PRKG1: variants seen among roughly 807,000 people sequenced by gnomAD.
The protein encoded by PRKG1 is protein kinase cGMP-dependent 1.
Under a neutral mutation model 88.1 loss-of-function variants are expected in PRKG1, and 35 were observed. The ratio of observed to expected loss-of-function variants is 0.40; its 90% CI spans 0.30 to 0.53. The LOEUF (loss-of-function observed/expected upper bound fraction) is 0.53. Among genes scored for constraint, PRKG1 ranks in the 20% least tolerant of loss-of-function variants. PRKG1 has a pLI of 0.59. For synonymous variants in PRKG1, 303 were observed against 292.5 expected (o/e 1.04, Z -0.37); for missense variants, 540 against 839.8 (o/e 0.64, Z 4.41).
intron 8 of PRKG1, among the ~76,000 whole-genome samples, chr10:52,140,805 T>G (rs1053927204): frequency 4.2e-5 from 5 of 120,446 alleles, no homozygotes; most frequent in Non-Finnish European, 4.1e-5. Flanking sequence ...GGAAGGAACA[T>G]GCACCCAATG....
intron 2 of PRKG1, among the ~76,000 whole-genome samples, chr10:51,210,739 C>T (rs181790496): frequency 0.02 from 3,072 of 152,282 alleles, 47 homozygotes; most frequent in Middle Eastern, 0.051. Flanking sequence ...TTCCTCGACA[C>T]ATACAGTCTC....
intron 2 of PRKG1, among the ~76,000 whole-genome samples, chr10:51,190,919 G>A (rs1026335580): frequency 6.6e-6 from 1 of 151,842 alleles, no homozygotes; most frequent in African/African-American, 2.4e-5. Flanking sequence ...AGCCAGACAT[G>A]TTATGGATGA....
At chr10:51,371,759 G>T (rs1292605469) in intron 2 of PRKG1, among the ~76,000 whole-genome samples, 13 of 152,130 alleles carry the variant, frequency 8.5e-5, no homozygotes, top group Admixed American at 8.5e-4. Context: ...TTCCTCCTCA[G>T]TCACCATCAT....
intron 4 of PRKG1, among the ~76,000 whole-genome samples, chr10:51,862,203 C>T (rs1368209248): frequency 6.6e-6 from 1 of 152,134 alleles, no homozygotes; most frequent in African/African-American, 2.4e-5. Flanking sequence ...TGTTACAGCT[C>T]ATTTGTTCCC....
intron 1 of PRKG1, among the ~76,000 whole-genome samples, chr10:51,039,446 A>C (rs1332531437): frequency 6.6e-6 from 1 of 152,076 alleles, no homozygotes; most frequent in Admixed American, 6.6e-5. Flanking sequence ...TTTTTTTCCT[A>C]CACAGTTGTT....
intron 5 of PRKG1, among the ~76,000 whole-genome samples, chr10:51,967,706 C>T (rs953028344): frequency 6.6e-6 from 1 of 152,136 alleles, no homozygotes; most frequent in Non-Finnish European, 1.5e-5. Context: ...ATAGCACTGT[C>T]GTTTCCTAGT....
intron 3 of PRKG1, among the ~76,000 whole-genome samples, chr10:51,541,152 G>A (rs2132111479): frequency 6.6e-6 from 1 of 152,290 alleles, no homozygotes; most frequent in Non-Finnish European, 1.5e-5. Context: ...TCAGGATGAA[G>A]TTGTTCCACC....
chr10:52,164,158 C>T (rs1375411579), intron 9 of PRKG1, among the ~76,000 whole-genome samples: 1 of 152,034 alleles, frequency 6.6e-6, no homozygotes, highest in Non-Finnish European at 1.5e-5. Flanking sequence ...TGAGACCAGC[C>T]TGGCCAACAT....
intron 3 of PRKG1, among the ~76,000 whole-genome samples, chr10:51,767,790 T>G (rs1313828388): frequency 1.3e-5 from 2 of 152,182 alleles, no homozygotes; most frequent in East Asian, 1.9e-4. Context: ...AAGAAACTGA[T>G]AGCTATAGTT....
intron 1 of PRKG1, among the ~76,000 whole-genome samples, chr10:51,075,842 A>C (rs1339204322): frequency 6.6e-6 from 1 of 152,248 alleles, no homozygotes; most frequent in East Asian, 1.9e-4. Flanking sequence ...CTCAGAGTTC[A>C]TATGGAGAGT....
chr10:52,083,271 T>C (rs1021369816), intron 7 of PRKG1, among the ~76,000 whole-genome samples: 2 of 152,112 alleles, frequency 1.3e-5, no homozygotes, highest in African/African-American at 2.4e-5. Flanking sequence ...GTTAGAAAAT[T>C]ACATTGAGCA....
chr10:51,500,580 T>C (rs900384694), intron 3 of PRKG1, among the ~76,000 whole-genome samples: 1 of 152,188 alleles, frequency 6.6e-6, no homozygotes, highest in Non-Finnish European at 1.5e-5. Context: ...ATGAACCTTA[T>C]ATTGGGGCTG....
intron 9 of PRKG1, among the ~76,000 whole-genome samples, chr10:52,224,133 C>T (rs1369490935): frequency 6.6e-6 from 1 of 152,086 alleles, no homozygotes; most frequent in African/African-American, 2.4e-5. Flanking sequence ...GTCTACAAGG[C>T]CCCAGACAAC....
At chr10:52,092,060 G>A (rs893440124) in intron 7 of PRKG1, among the ~76,000 whole-genome samples, 3 of 152,076 alleles carry the variant, frequency 2.0e-5, no homozygotes, top group African/African-American at 7.3e-5. Context: ...TTGTGAGCAT[G>A]AGCACTTAGT....
intron 2 of PRKG1, among the ~76,000 whole-genome samples, chr10:51,342,084 G>A (rs561608519): frequency 1.3e-5 from 2 of 152,308 alleles, no homozygotes; most frequent in South Asian, 4.1e-4. Flanking sequence ...CAGAGAGAAA[G>A]CAGAGCTGAA....
chr10:51,520,558 A>G (rs1841710035), intron 3 of PRKG1, among the ~76,000 whole-genome samples: 1 of 152,140 alleles, frequency 6.6e-6, no homozygotes, highest in Non-Finnish European at 1.5e-5. Context: ...ATGCATAATA[A>G]ACATTTTTAG....
chr10:51,100,215 A>C lies in PRKG1; in HGVS notation c.311+25314A>C, dbSNP rs545261115. On this transcript the variant is annotated intron_variant, in intron 1 of 17. Coordinates refer to ENST00000373980, the MANE Select transcript of PRKG1 (RefSeq NM_006258.4). ...GGTCTAGTTTTGTGTGTATGTTTTA[A>C]ATTACTTAACATATTCTATTGGATA... Among the ~76,000 whole-genome samples the C allele has an allele frequency of 2.6e-5, 4 of 152,270 alleles. No homozygotes were observed. In the South Asian group the frequency reaches 8.3e-4, roughly 32 times the overall value.
chr10:51,669,725 C>T (rs1455865422), intron 3 of PRKG1, among the ~76,000 whole-genome samples: 2 of 152,200 alleles, frequency 1.3e-5, no homozygotes, highest in South Asian at 2.1e-4. Context: ...CTACTTAAGT[C>T]GTGGTCACAG....
chr10:51,235,758 T>A (rs1181886837), intron 2 of PRKG1, among the ~76,000 whole-genome samples: 1 of 152,070 alleles, frequency 6.6e-6, no homozygotes, highest in Non-Finnish European at 1.5e-5. Context: ...ATCAAAATGG[T>A]GAAAATTGGT....
Sources: gnomAD v4.1 joint callset for allele counts (sites outside exome capture counted in the v4.1 genomes callset) on GRCh38, gnomAD v4.1.1 for gene constraint, MANE v1.5 for transcripts, NCBI Gene and HGNC (gene_info 2026-07-23, HGNC 2026-07-21) for gene names.